Variants in TMEM123 observed in about 807,000 individuals in gnomAD.
TMEM123 encodes porimin.
A neutral mutation model predicts 19.7 loss-of-function variants in TMEM123; 16 were observed. That is an observed-to-expected ratio of 0.81 (90% CI 0.55 to 1.23). The LOEUF is 1.23. TMEM123 is among the 50% of genes most tolerant of loss of function. The pLI is 0.00. For missense variants in TMEM123, 313 were observed against 257.8 expected, an observed-to-expected ratio of 1.21 and a Z score of -1.47; for synonymous variants, 118 against 99.4, an observed-to-expected ratio of 1.19 and a Z score of -1.12.
At chr11:102,448,786 T>G (rs1565357924) in intron 2 of TMEM123, 26 bp downstream of exon 2, 1 of 1,610,118 alleles carries the variant, frequency 6.2e-7, no homozygotes, top group Non-Finnish European at 8.5e-7. Flanking sequence ...AATGAAAATT[T>G]GTTTTTTTAA....
chr11:102,399,676 A>G (rs1430887435), intron 4 of TMEM123, among the ~76,000 whole-genome samples: 1 of 152,224 alleles, frequency 6.6e-6, no homozygotes, highest in Admixed American at 6.5e-5. Flanking sequence ...ACTTTTAAAA[A>G]TATGTTTTTA....
intron 2 of TMEM123, among the ~76,000 whole-genome samples, chr11:102,444,017 A>G (rs1857855595): frequency 6.6e-6 from 1 of 152,218 alleles, no homozygotes; most frequent in Non-Finnish European, 1.5e-5. Flanking sequence ...CAGCAGTTAC[A>G]ATGGCAATCA....
At chr11:102,442,082 C>T (rs1857832696) in intron 2 of TMEM123, among the ~76,000 whole-genome samples, 1 of 152,166 alleles carries the variant, frequency 6.6e-6, no homozygotes, top group Non-Finnish European at 1.5e-5. Context: ...CAAAAAAAGT[C>T]CAGGACTAGA....
chr11:102,396,502 C>T lies in TMEM123; in HGVS notation c.*2365G>A, dbSNP rs1159210138. 1 of 151,978 alleles carries T rather than the reference C, an allele frequency of 6.6e-6. No homozygotes were observed. Among genetic ancestry groups the T allele is most frequent in the Non-Finnish European group, 1.5e-5 (1 of 68,008 alleles). 9.4% of individuals were successfully genotyped at this position (151,978 alleles called of 1,614,324 possible). On this transcript the variant is annotated 3_prime_UTR_variant, in exon 5 of 5. Transcript: ENST00000398136. ...CTGTTTATCTGTATTTGAATTATTCCTTTCATGGATTATTCAAGGAAATTT... is the reference window on the plus strand; with the variant it reads ...CTGTTTATCTGTATTTGAATTATTCTTTTCATGGATTATTCAAGGAAATTT...
intron 2 of TMEM123, among the ~76,000 whole-genome samples, chr11:102,442,924 C>T (rs1329881420): frequency 3.9e-5 from 6 of 152,142 alleles, no homozygotes; most frequent in African/African-American, 1.4e-4. Flanking sequence ...AGAGCCAAAT[C>T]ATGAGTGAAC....
intron 2 of TMEM123, among the ~76,000 whole-genome samples, chr11:102,403,504 G>A (rs1951930391): frequency 1.3e-5 from 2 of 152,064 alleles, no homozygotes; most frequent in Non-Finnish European, 2.9e-5. Context: ...CAATGTCTAG[G>A]GAATGAAAGC....
chr11:102,451,113 TTAAG>T (rs762027380), intron 1 of TMEM123: 4 of 152,144 alleles, frequency 2.6e-5, no homozygotes, highest in Admixed American at 6.5e-5. Context: ...TAGTAAGACA[TTAAG>T]TAATAAACAG....
At chr11:102,424,919 A>G (rs1015280506) in intron 2 of TMEM123, among the ~76,000 whole-genome samples, 2 of 152,246 alleles carry the variant, frequency 1.3e-5, no homozygotes, top group Non-Finnish European at 2.9e-5. Context: ...CAAGTTTTTC[A>G]GAAGCACACT....
At chr11:102,411,695 A>C (rs936417431) in intron 2 of TMEM123, among the ~76,000 whole-genome samples, 7 of 152,138 alleles carry the variant, frequency 4.6e-5, no homozygotes, top group Admixed American at 1.3e-4. Flanking sequence ...AAAAAAAAAA[A>C]ACACACATCT....
intron 2 of TMEM123, among the ~76,000 whole-genome samples, chr11:102,442,783 A>G (rs1857840875): frequency 6.6e-6 from 1 of 152,230 alleles, no homozygotes; most frequent in African/African-American, 2.4e-5. Flanking sequence ...ACATGATTGT[A>G]TATTTAGAAA....
chr11:102,435,600 T>C (rs1857754561), intron 2 of TMEM123, among the ~76,000 whole-genome samples: 1 of 151,812 alleles, frequency 6.6e-6, no homozygotes, highest in African/African-American at 2.4e-5. Flanking sequence ...AAAATGAAAA[T>C]ATATGTCCAC....
At chr11:102,401,726 G>GTT in intron 3 of TMEM123, 34 bp from the exon 4 acceptor site, 1 of 1,543,452 alleles carries the variant, frequency 6.5e-7, no homozygotes, top group Non-Finnish European at 8.7e-7. Context: ...GGGCTTTAGC[G>GTT]TTATTTTTTT....
At chr11:102,427,511 C>A (rs1472179780) in intron 2 of TMEM123, among the ~76,000 whole-genome samples, 1 of 141,020 alleles carries the variant, frequency 7.1e-6, no homozygotes, top group Admixed American at 7.3e-5. Context: ...TGCAGTGGCA[C>A]AATCTCAGCT....
Position 102,397,393 on chromosome 11 carries a change from T to C in TMEM123, c.*1474A>G, listed in dbSNP as rs998673663. On this transcript the variant is annotated 3_prime_UTR_variant, in exon 5 of 5. Transcript: ENST00000398136. ...ACTGGTGTGATTCACTTTGGCCCTCTGAGATAGAAATGCCATCTTAGTATT... is the reference window on the plus strand; with the variant it reads ...ACTGGTGTGATTCACTTTGGCCCTCCGAGATAGAAATGCCATCTTAGTATT... The C allele has an allele frequency of 2.6e-5, 4 of 152,194 alleles. No homozygotes were observed. Among genetic ancestry groups the C allele is most frequent in the African/African-American group, 4.8e-5 (2 of 41,470 alleles). 9.4% of individuals were successfully genotyped at this position (152,194 alleles called of 1,614,324 possible).
At chr11:102,419,150 C>T (rs1332439502) in intron 2 of TMEM123, among the ~76,000 whole-genome samples, 2 of 152,130 alleles carry the variant, frequency 1.3e-5, no homozygotes, top group Admixed American at 6.5e-5. Flanking sequence ...CATGTACCCT[C>T]GAGCCTAAAA....
At position 102,441,733 on chromosome 11, in the gene TMEM123, C is replaced by CAAA. The variant is rs781129811; in HGVS notation, c.157+7076_157+7078dup. Among the ~76,000 whole-genome samples, 680 of 129,708 alleles carry CAAA rather than the reference C, an allele frequency of 5.2e-3. 3 individuals carry two copies. The highest frequency in any genetic ancestry group is 0.018 in the African/African-American group (626 of 35,246). 85.1% of individuals were successfully genotyped at this position (129,708 alleles called of 152,430 possible). On this transcript the variant is annotated intron_variant, in intron 2 of 4. Coordinates refer to ENST00000398136, the MANE Select transcript of TMEM123 (RefSeq NM_052932.3). Reference sequence around the variant, plus strand: ...GGAGACAGACACACAAAAAACCCTTCAAAAAAAAAAAAATCAATGAATCCA... The same window carrying CAAA: ...GGAGACAGACACACAAAAAACCCTTCAAAAAAAAAAAAAAAATCAATGAATCCA...
chr11:102,429,923 C>T (rs1043213272), intron 2 of TMEM123, among the ~76,000 whole-genome samples: 1 of 152,204 alleles, frequency 6.6e-6, no homozygotes, highest in Middle Eastern at 3.2e-3. Context: ...ACAACCCGAG[C>T]ATCTCCAGAA....
At chr11:102,442,127 G>A (rs1006964025) in intron 2 of TMEM123, among the ~76,000 whole-genome samples, 4 of 152,196 alleles carry the variant, frequency 2.6e-5, no homozygotes, top group Admixed American at 6.5e-5. Context: ...GAGGTACAAA[G>A]AGGAGCTGGT....
Position 102,452,721 on chromosome 11 carries a change from C to A in TMEM123, c.-98G>T, listed in dbSNP as rs933355507. The A allele has an allele frequency of 2.1e-6, 2 of 935,242 alleles. No homozygotes were observed. Among genetic ancestry groups the A allele is most frequent in the South Asian group, 5.6e-5 (2 of 35,974 alleles). The allele number at this position is 935,242 out of a possible 1,614,324, so 57.9% of individuals were successfully genotyped here. ...CGCAGCCGGCGCCGGCTCCGCTTCCCCTTCGGCCGCGCACGTTTCCCCTCC... is the reference window on the plus strand; with the variant it reads ...CGCAGCCGGCGCCGGCTCCGCTTCCACTTCGGCCGCGCACGTTTCCCCTCC... On this transcript the variant is annotated 5_prime_UTR_variant, in exon 1 of 5. Coordinates refer to ENST00000398136, the MANE Select transcript of TMEM123 (RefSeq NM_052932.3).
Sources: allele counts gnomAD v4.1 joint callset (sites outside exome capture counted in the v4.1 genomes callset), GRCh38; gene constraint gnomAD v4.1.1; transcripts MANE v1.5; gene names NCBI Gene and HGNC (gene_info 2026-07-23, HGNC 2026-07-21).